Variants in CCDC85A observed in about 807,000 individuals in gnomAD.
CCDC85A encodes the protein coiled-coil domain-containing protein 85A.
A neutral mutation model predicts 50.2 loss-of-function variants in CCDC85A; 38 were observed. The observed-to-expected ratio is 0.76, with a 90% CI of 0.58 to 0.99. The LOEUF is 0.99. Ranked by LOEUF, CCDC85A falls within the 50% of genes least tolerant of loss-of-function variation. The pLI, the probability that CCDC85A is intolerant of heterozygous loss-of-function variation, is 0.00. For missense variants in CCDC85A, 820 were observed against 742.0 expected (o/e 1.11, Z -1.22); for synonymous variants, 366 against 301.4 (o/e 1.21, Z -2.22).
chr2:56,333,733 A>G (rs768126619), intron 2 of CCDC85A, among the ~76,000 whole-genome samples: 8 of 152,182 alleles, frequency 5.3e-5, no homozygotes, highest in South Asian at 2.1e-4. Context: ...AAATTTCCCA[A>G]TGGAAGGGAA....
intron 2 of CCDC85A, among the ~76,000 whole-genome samples, chr2:56,253,108 A>C (rs979160473): frequency 6.6e-6 from 1 of 152,174 alleles, no homozygotes; most frequent in Non-Finnish European, 1.5e-5. Context: ...TAGCTCAGCA[A>C]ACTTGCACAA....
intron 2 of CCDC85A, among the ~76,000 whole-genome samples, chr2:56,202,445 G>C (rs913089210): frequency 6.6e-6 from 1 of 152,176 alleles, no homozygotes; most frequent in Non-Finnish European, 1.5e-5. Context: ...TTGAGAAGAT[G>C]GTCTGACCTT....
At chr2:56,228,324 T>TATTATA (rs1553395734) in intron 2 of CCDC85A, among the ~76,000 whole-genome samples, 1 of 148,018 alleles carries the variant, frequency 6.8e-6, no homozygotes, top group African/African-American at 2.5e-5. Context: ...AAACTTAAAG[T>TATTATA]ATAATAATAA....
At chr2:56,206,406 A>C (rs1676961204) in intron 2 of CCDC85A, among the ~76,000 whole-genome samples, 1 of 152,148 alleles carries the variant, frequency 6.6e-6, no homozygotes, top group Non-Finnish European at 1.5e-5. Context: ...AGACTGGATA[A>C]TTAATAATGA....
intron 1 of CCDC85A, among the ~76,000 whole-genome samples, chr2:56,188,942 A>G (rs1278264211): frequency 6.6e-6 from 1 of 152,248 alleles, no homozygotes; most frequent in African/African-American, 2.4e-5. Context: ...AGATGTCCAC[A>G]TTAGAAAGGA....
Position 56,342,974 on chromosome 2 carries a change from CTCATAGCTAG to C in CCDC85A, c.1317+23_1317+32del, listed in dbSNP as rs1558650457. On this transcript the variant is annotated intron_variant, in intron 3 of 5. Transcript: ENST00000407595. ...GCCCCAGGTGGGTGACTTCCAGAAG[CTCATAGCTAG>C]TCAGTGCCATTTAAGTTGTAGTATT... 6.5e-7 allele frequency: 1 copy of C among 1,545,052 alleles called. No homozygotes were observed.
chr2:56,230,056 A>G (rs907036250), intron 2 of CCDC85A, among the ~76,000 whole-genome samples: 2 of 152,146 alleles, frequency 1.3e-5, no homozygotes, highest in Admixed American at 6.5e-5. Flanking sequence ...TGCTGGGCCA[A>G]TTTTGGGCAG....
intron 3 of CCDC85A, among the ~76,000 whole-genome samples, chr2:56,349,780 C>T (rs1674815767): frequency 6.6e-6 from 1 of 151,946 alleles, no homozygotes; most frequent in African/African-American, 2.4e-5. Flanking sequence ...ATAGTGTTGC[C>T]TTTTTATATC....
At chr2:56,231,034 T>C (rs1573063805) in intron 2 of CCDC85A, among the ~76,000 whole-genome samples, 1 of 152,150 alleles carries the variant, frequency 6.6e-6, no homozygotes, top group East Asian at 1.9e-4. Context: ...ATATTTCCCT[T>C]ATACTAAAAG....
chr2:56,285,534 ATTAT>A, intron 2 of CCDC85A, among the ~76,000 whole-genome samples: 1 of 146,628 alleles, frequency 6.8e-6, no homozygotes, highest in Admixed American at 6.9e-5. Flanking sequence ...ATGTAATTAT[ATTAT>A]TTATATATAA....
At chr2:56,221,764 C>G (rs369058584) in intron 2 of CCDC85A, among the ~76,000 whole-genome samples, 3 of 152,026 alleles carry the variant, frequency 2.0e-5, no homozygotes, top group African/African-American at 7.2e-5. Flanking sequence ...TTATAAATTT[C>G]TCACCCCACA....
intron 2 of CCDC85A, among the ~76,000 whole-genome samples, chr2:56,197,608 C>A (rs1676579705): frequency 6.6e-6 from 1 of 152,156 alleles, no homozygotes; most frequent in African/African-American, 2.4e-5. Flanking sequence ...CCATTGCCCT[C>A]AGTGAGTCAT....
chr2:56,216,818 C>T (rs1436816709), intron 2 of CCDC85A, among the ~76,000 whole-genome samples: 1 of 150,692 alleles, frequency 6.6e-6, no homozygotes, highest in East Asian at 2.0e-4. Context: ...GAACTATTTG[C>T]CTGAAATTTT....
rs1455613796 is a variant in CCDC85A at position 56,385,675 on chromosome 2, T to G, written c.*1320T>G. On this transcript the variant is annotated 3_prime_UTR_variant, in exon 6 of 6. Coordinates refer to ENST00000407595, the MANE Select transcript of CCDC85A (RefSeq NM_001080433.2). ...TCATGGCAGATATTCTCTGTTGTTG[T>G]TGTTTTAGATGGGCTCATTACATAA... 1 of 152,044 alleles carries G rather than the reference T, an allele frequency of 6.6e-6. No individual in the cohort carries two copies. Among genetic ancestry groups the G allele is most frequent in the Non-Finnish European group, 1.5e-5 (1 of 67,810 alleles). The allele number at this position is 152,044 out of a possible 1,614,324, so 9.4% of individuals were successfully genotyped here.
At chr2:56,212,290 G>A (rs1677210564) in intron 2 of CCDC85A, among the ~76,000 whole-genome samples, 1 of 152,024 alleles carries the variant, frequency 6.6e-6, no homozygotes, top group African/African-American at 2.4e-5. Flanking sequence ...TTCTAATTCA[G>A]ATTTTTTGAG....
At chr2:56,280,004 G>A (rs1343787074) in intron 2 of CCDC85A, among the ~76,000 whole-genome samples, 1 of 152,064 alleles carries the variant, frequency 6.6e-6, no homozygotes, top group Non-Finnish European at 1.5e-5. Flanking sequence ...TCTAAAACCT[G>A]AAAGAATAAG....
intron 2 of CCDC85A, among the ~76,000 whole-genome samples, chr2:56,195,489 T>C (rs1376437700): frequency 6.6e-6 from 1 of 152,246 alleles, no homozygotes; most frequent in African/African-American, 2.4e-5. Context: ...CCTCAGAGTA[T>C]ATTTGCAGTG....
chr2:56,384,197 C>G (rs1312391053), intron 5 of CCDC85A, 69 bp from the exon 6 acceptor site: 1 of 1,391,796 alleles, frequency 7.2e-7, no homozygotes, highest in Non-Finnish European at 1.0e-6. Context: ...TTAATTTACC[C>G]TTAAGAAATG....
At chr2:56,297,228 A>G (rs761104457) in intron 2 of CCDC85A, among the ~76,000 whole-genome samples, 17 of 152,110 alleles carry the variant, frequency 1.1e-4, no homozygotes, top group Non-Finnish European at 1.5e-4. Context: ...GCCAAGAGCA[A>G]GGTTGCTTCT....
Sources: allele counts gnomAD v4.1 joint callset (sites outside exome capture counted in the v4.1 genomes callset), GRCh38; gene constraint gnomAD v4.1.1; transcripts MANE v1.5; gene names NCBI Gene and HGNC (gene_info 2026-07-23, HGNC 2026-07-21).